ARHGEF40: variants seen among roughly 807,000 people sequenced by gnomAD.
ARHGEF40 encodes Rho guanine nucleotide exchange factor (GEF) 40.
Under a neutral mutation model 165.9 loss-of-function variants are expected in ARHGEF40, and 98 were observed. The ratio of observed to expected loss-of-function variants is 0.59; its 90% confidence interval spans 0.50 to 0.70. The LOEUF (loss-of-function observed/expected upper bound fraction) is 0.70. Among genes scored for constraint, ARHGEF40 ranks in the 30% least tolerant of loss-of-function variants. The pLI is 0.00. For synonymous variants in ARHGEF40, 792 were observed against 814.3 expected, an observed-to-expected ratio of 0.97 and a Z score of 0.47; for missense variants, 1,815 against 1,968.0, an observed-to-expected ratio of 0.92 and a Z score of 1.47.
chr14:21,070,762 A>C lies in ARHGEF40; in HGVS notation c.3+363A>C. ...GGTCCGAGCTCCTTACCCGCGGGAGACCCCTGCGGGTTGGTCCTGCAGCGA... is the reference window on the plus strand; with the variant it reads ...GGTCCGAGCTCCTTACCCGCGGGAGCCCCCTGCGGGTTGGTCCTGCAGCGA... On this transcript the variant is annotated intron_variant, in intron 1 of 23. Transcript: ENST00000298694. The surrounding 1 kb of genome is among the most constrained non-coding windows in gnomAD (Gnocchi z 4.7). 1 of 1,491,912 alleles carries C rather than the reference A, an allele frequency of 6.7e-7. No individual in the cohort carries two copies. The highest frequency in any genetic ancestry group is 1.2e-5 in the South Asian group (1 of 82,922). The allele number at this position is 1,491,912 out of a possible 1,614,324, so 92.4% of individuals were successfully genotyped here. A position where few individuals can be genotyped will look rare whatever the true frequency, so the allele number is the denominator to read the frequency against.
chr14:21,070,740 C>G lies in ARHGEF40; in HGVS notation c.3+341C>G. On this transcript the variant is annotated intron_variant, in intron 1 of 23. Coordinates refer to ENST00000298694, the MANE Select transcript of ARHGEF40 (RefSeq NM_018071.5). The surrounding 1 kb of genome is among the most constrained non-coding windows in gnomAD (Gnocchi z 4.7). ...CTGGAGCTTCCCTCCCCCTCCTGGTCCGAGCTCCTTACCCGCGGGAGACCC... is the reference window on the plus strand; with the variant it reads ...CTGGAGCTTCCCTCCCCCTCCTGGTGCGAGCTCCTTACCCGCGGGAGACCC... 7.0e-7 allele frequency: 1 copy of G among 1,424,956 alleles called. No homozygotes were observed. The highest frequency in any genetic ancestry group is 2.0e-5 in the Admixed American group (1 of 50,010). 88.3% of individuals were successfully genotyped at this position (1,424,956 alleles called of 1,614,324 possible). A position where few individuals can be genotyped will look rare whatever the true frequency, so the allele number is the denominator to read the frequency against.
rs772582154 is a variant in ARHGEF40, at chr14:21,084,940, G to A, written c.3960+17G>A. The A allele has an allele frequency of 3.1e-6, 5 of 1,609,178 alleles. No homozygotes were observed. Among genetic ancestry groups the A allele is most frequent in the Non-Finnish European group, 4.2e-6 (5 of 1,177,666 alleles). On this transcript the variant is annotated intron_variant, in intron 18 of 23. Coordinates refer to ENST00000298694, the MANE Select transcript of ARHGEF40 (RefSeq NM_018071.5). ...GCCTTTAAGGTACGATTCCTGGAGTGAGTGGTGGAGGTGACAGGAAGTCAT... is the reference window on the plus strand; with the variant it reads ...GCCTTTAAGGTACGATTCCTGGAGTAAGTGGTGGAGGTGACAGGAAGTCAT...
chr14:21,084,140 A>C, intron 17 of ARHGEF40, 90 bp downstream of exon 17: 1 of 1,334,954 alleles, frequency 7.5e-7, no homozygotes, highest in South Asian at 1.5e-5. Context: ...ACCAGGCTCC[A>C]GGTCAGAGGG....
At position 21,072,937 on chromosome 14, in the gene ARHGEF40, G is replaced by A; in HGVS notation, c.4-108G>A. On this transcript the variant is annotated intron_variant, in intron 1 of 23. Coordinates refer to ENST00000298694, the MANE Select transcript of ARHGEF40 (RefSeq NM_018071.5). This position sits in a 1 kb window ranked among gnomAD's most constrained non-coding sequence, Gnocchi z 4.1. The stretch of plus-strand genomic sequence containing the variant: ...TGAGTGCTCACTTTTTGCCCACATT[G>A]TACAATCGGGGCTTTGGAGAACACA... 8.6e-7 allele frequency: 1 copy of A among 1,163,332 alleles called. No homozygotes were observed. Among genetic ancestry groups the A allele is most frequent in the Non-Finnish European group, 1.2e-6 (1 of 814,448 alleles). 72.1% of individuals were successfully genotyped at this position (1,163,332 alleles called of 1,614,324 possible).
intron 6 of ARHGEF40, 37 bp from the exon 7 acceptor site, chr14:21,076,526 G>A (rs200673258): frequency 6.2e-5 from 100 of 1,613,946 alleles, no homozygotes; most frequent in East Asian, 4.5e-4. Context: ...CAGGACACCC[G>A]ATTGCCCAGT....
At chr14:21,083,384 C>T (rs1195205533) in intron 16 of ARHGEF40, among the ~76,000 whole-genome samples, 1 of 128,024 alleles carries the variant, frequency 7.8e-6, no homozygotes, top group Non-Finnish European at 1.7e-5. Context: ...ACTAGAAATA[C>T]AAAAAAAAAA....
At chr14:21,087,614 A>G (rs1001768363) in intron 21 of ARHGEF40, 151 bp downstream of exon 21, 1 of 1,136,576 alleles carries the variant, frequency 8.8e-7, no homozygotes, top group South Asian at 1.6e-5. Context: ...AGAGCCTTCC[A>G]TCTGGTTGCT....
At chr14:21,071,947 A>T (rs995262647) in intron 1 of ARHGEF40, among the ~76,000 whole-genome samples, 1 of 152,218 alleles carries the variant, frequency 6.6e-6, no homozygotes, top group Non-Finnish European at 1.5e-5. Flanking sequence ...CTCTGGATGG[A>T]GCTCAGAGAA....
At chr14:21,071,200 G>T (rs1479934688) in intron 1 of ARHGEF40, among the ~76,000 whole-genome samples, 1 of 152,200 alleles carries the variant, frequency 6.6e-6, no homozygotes, top group Non-Finnish European at 1.5e-5. Context: ...GGCGCTGGAC[G>T]CTGGAGGGTA....
At chr14:21,078,001 A>G (rs1205054578) in intron 8 of ARHGEF40, among the ~76,000 whole-genome samples, 176 bp from the exon 9 acceptor site, 2 of 152,386 alleles carry the variant, frequency 1.3e-5, no homozygotes, top group South Asian at 2.1e-4. Context: ...GAGGAACTGA[A>G]GTTCAGGAAG....
intron 17 of ARHGEF40, among the ~76,000 whole-genome samples, chr14:21,084,498 G>C (rs569146966): frequency 5.9e-5 from 9 of 152,142 alleles, no homozygotes; most frequent in Non-Finnish European, 1.0e-4. Context: ...GCATGCAAAG[G>C]CTTCCCCACA....
intron 8 of ARHGEF40, among the ~76,000 whole-genome samples, chr14:21,077,189 C>T (rs777778648): frequency 1.3e-5 from 2 of 151,984 alleles, no homozygotes; most frequent in Non-Finnish European, 2.9e-5. Flanking sequence ...ACTGCAGCCT[C>T]GACCCTCTGG....
At chr14:21,083,123 C>T (rs184176684) in intron 16 of ARHGEF40, among the ~76,000 whole-genome samples, 2 of 152,274 alleles carry the variant, frequency 1.3e-5, no homozygotes, top group East Asian at 3.9e-4. Context: ...GGGCAGGACT[C>T]CTGTTTCCTC....
rs1427006100 is a variant in ARHGEF40, at chr14:21,072,626, G to A, written c.4-419G>A. 6.6e-6 allele frequency among the ~76,000 whole-genome samples: 1 copy of A among 152,154 alleles called. No homozygotes were observed. Among genetic ancestry groups the A allele is most frequent in the Non-Finnish European group, 1.5e-5 (1 of 68,036 alleles). On this transcript the variant is annotated intron_variant, in intron 1 of 23. Transcript: ENST00000298694. This position sits in a 1 kb window ranked among gnomAD's most constrained non-coding sequence, Gnocchi z 4.1. ...CTGGATGGTGGGTCTTATGGGAAGG[G>A]ATTTGCAGGATGGCTGTGTGGAAAT... is the stretch of plus-strand genomic sequence containing the variant.
chr14:21,073,259 C>A lies in ARHGEF40; in HGVS notation c.201+17C>A. 1 of 1,581,840 alleles carries A rather than the reference C, an allele frequency of 6.3e-7. No homozygotes were observed. Among genetic ancestry groups the A allele is most frequent in the Non-Finnish European group, 8.6e-7 (1 of 1,164,324 alleles). The stretch of plus-strand genomic sequence containing the variant: ...GAAGCCTGTGTGAGTGGCCGTGCAT[C>A]ACTATTCTGCCTTCCCCAAGATCCA... On this transcript the variant is annotated intron_variant, in intron 2 of 23. Coordinates refer to ENST00000298694, the MANE Select transcript of ARHGEF40 (RefSeq NM_018071.5). The surrounding 1 kb of genome is among the most constrained non-coding windows in gnomAD (Gnocchi z 4.6).
chr14:21,081,798 G>A lies in ARHGEF40; in HGVS notation c.2930G>A (p.Gly977Glu). 4.4e-6 allele frequency: 7 copies of A among 1,599,718 alleles called. No homozygotes were observed. Among genetic ancestry groups the A allele is most frequent in the Non-Finnish European group, 6.0e-6 (7 of 1,174,488 alleles). The change falls in exon 14 of 24, where the codon GGG becomes GAG. Residue 977 changes from glycine (G) to glutamate (E), a missense_variant. By Grantham distance (98) the Gly-to-Glu change is moderately conservative. Coordinates refer to ENST00000298694, the MANE Select transcript of ARHGEF40 (RefSeq NM_018071.5). ...CGGGCAGACGGTGCCAGCAGTGGAG[G>A]GGCCCAGTGGGGGCCCCGCAGCCCC... ...RRRADGASSG[G>E]AQWGPRSPSP...
Position 21,078,241 on chromosome 14 carries a change from A to T in ARHGEF40, c.2099A>T (p.Glu700Val). 6.2e-7 allele frequency: 1 copy of T among 1,613,960 alleles called. No homozygotes were observed. Among genetic ancestry groups the T allele is most frequent in the Non-Finnish European group, 8.5e-7 (1 of 1,179,982 alleles). Residue 700 changes from glutamate (E) to valine (V), a missense_variant, in exon 9 of 24, where the codon GAG becomes GTG. Physicochemically the swap from Glu to Val is moderately radical, Grantham distance 121 (BLOSUM62 -2). Coordinates refer to ENST00000298694, the MANE Select transcript of ARHGEF40 (RefSeq NM_018071.5). ...VLGSVRQAIE[E>V]LEGAAEPEEE... ...GGCTCGGTACGGCAGGCCATTGAGG[A>T]GCTGGAGGGAGCAGCAGAGCCAGAG...
upstream of ARHGEF40, among the ~76,000 whole-genome samples, chr14:21,067,909 G>A (rs940620622): frequency 1.3e-5 from 2 of 151,396 alleles, no homozygotes; most frequent in Admixed American, 1.3e-4. Context: ...TGGAAAGAAG[G>A]GGTAACTGCA....
In ARHGEF40 at chr14:21,076,413, C is replaced by T. The variant is rs1304624715; in HGVS notation, c.1793C>T (p.Pro598Leu). ...LSVLLDLRQA[P>L]PLPPALIPAL... Reference sequence around the variant, plus strand: ...GTCCTGCTGGACCTTCGTCAGGCACCTCCACTGCCTCCAGCACTCATTCCT... The same window carrying T: ...GTCCTGCTGGACCTTCGTCAGGCACTTCCACTGCCTCCAGCACTCATTCCT... Residue 598 changes from proline (P) to leucine (L), a missense_variant, in exon 6 of 24, where the codon CCT becomes CTT. Pro to Leu is a moderately conservative substitution (Grantham distance 98). Transcript: ENST00000298694. 11 of 1,613,624 alleles carry T rather than the reference C, an allele frequency of 6.8e-6. No homozygotes were observed. Among genetic ancestry groups the T allele is most frequent in the Non-Finnish European group, 9.3e-6 (11 of 1,180,060 alleles).
Sources: gnomAD v4.1 joint callset for allele counts (sites outside exome capture counted in the v4.1 genomes callset) on GRCh38, gnomAD v4.1.1 for gene constraint, Gnocchi (gnomAD v3.1) non-coding constraint, MANE v1.5 for transcripts, NCBI Gene and HGNC (gene_info 2026-07-23, HGNC 2026-07-21) for gene names.